Variants in GAS7 observed in about 807,000 individuals in gnomAD.
GAS7 encodes the protein growth arrest-specific protein 7.
Under a neutral mutation model 71.1 loss-of-function variants are expected in GAS7, and 28 were observed. The observed-to-expected ratio is 0.39, with a 90% confidence interval of 0.29 to 0.54. GAS7 has a LOEUF of 0.54. Among genes scored for constraint, GAS7 ranks in the 20% least tolerant of loss-of-function variants. GAS7 has a pLI of 0.62. For synonymous variants in GAS7, 258 were observed against 245.8 expected, an observed-to-expected ratio of 1.05 and a Z score of -0.46; for missense variants, 436 against 627.8, an observed-to-expected ratio of 0.69 and a Z score of 3.27.
intron 5 of GAS7, among the ~76,000 whole-genome samples, chr17:9,947,643 C>T (rs568477682): frequency 6.6e-6 from 1 of 151,930 alleles, no homozygotes; most frequent in East Asian, 1.9e-4. Context: ...AGTCGGGAGG[C>T]TGAGGGAGGA....
At chr17:10,016,221 T>G (rs2071990640) in intron 2 of GAS7, among the ~76,000 whole-genome samples, 1 of 151,328 alleles carries the variant, frequency 6.6e-6, no homozygotes, top group Non-Finnish European at 1.5e-5. Flanking sequence ...CCATCTCTAC[T>G]AAAAATACAA....
At chr17:9,968,695 TAATC>T (rs1310345058) in intron 4 of GAS7, among the ~76,000 whole-genome samples, 2 of 152,232 alleles carry the variant, frequency 1.3e-5, no homozygotes, top group Non-Finnish European at 2.9e-5. Flanking sequence ...GACAGAACCA[TAATC>T]AATCCTCCGG....
intron 2 of GAS7, among the ~76,000 whole-genome samples, chr17:10,007,181 A>G (rs958512655): frequency 2.2e-4 from 33 of 152,174 alleles, no homozygotes; most frequent in African/African-American, 7.7e-4. Flanking sequence ...TAAAGTTGAC[A>G]TTTTTTCTCT....
chr17:10,123,905 T>G (rs549610818), intron 1 of GAS7, among the ~76,000 whole-genome samples: 1 of 152,254 alleles, frequency 6.6e-6, no homozygotes, highest in African/African-American at 2.4e-5. Context: ...AGACACACAC[T>G]GTACCCAGTG....
At position 10,158,303 on chromosome 17, in the gene GAS7, G is replaced by A. The variant is rs9901394; in HGVS notation, c.183+39905C>T. Among the ~76,000 whole-genome samples the A allele has an allele frequency of 0.035, 4,743 of 134,598 alleles. 335 individuals carry two copies. The East Asian group carries it at 0.36, about 10-fold the overall frequency. The allele number at this position is 134,598 out of a possible 152,430, so 88.3% of individuals were successfully genotyped here. On this transcript the variant is annotated intron_variant, in intron 1 of 13. Transcript: ENST00000432992. ...GCTGGGATTACAGGCGTGAGCCACCGCACCCGGCCAATCCTGTTTTTTCTT... is the reference window on the plus strand; with the variant it reads ...GCTGGGATTACAGGCGTGAGCCACCACACCCGGCCAATCCTGTTTTTTCTT...
At chr17:10,027,545 C>G (rs2072496776) in intron 1 of GAS7, among the ~76,000 whole-genome samples, 1 of 152,232 alleles carries the variant, frequency 6.6e-6, no homozygotes, top group Non-Finnish European at 1.5e-5. Flanking sequence ...GATTGAGGCT[C>G]TTATCAAAGC....
intron 1 of GAS7, among the ~76,000 whole-genome samples, chr17:10,083,440 G>T (rs1479504998): frequency 6.6e-6 from 1 of 152,188 alleles, no homozygotes; most frequent in Non-Finnish European, 1.5e-5. Flanking sequence ...GATTTTTCTC[G>T]GTCCCTTTGC....
intron 1 of GAS7, among the ~76,000 whole-genome samples, chr17:10,095,605 AG>A (rs1453741086): frequency 6.6e-6 from 1 of 152,008 alleles, no homozygotes; most frequent in Non-Finnish European, 1.5e-5. Context: ...GCGGATCACA[AG>A]GTCAGGAGAT....
At chr17:10,000,738 G>A (rs775592494) in intron 2 of GAS7, among the ~76,000 whole-genome samples, 12 of 152,146 alleles carry the variant, frequency 7.9e-5, no homozygotes, top group Non-Finnish European at 1.5e-4. Flanking sequence ...AGGTGGGATC[G>A]CAGCATTCAA....
At chr17:10,054,859 G>C (rs1277369757) in intron 1 of GAS7, among the ~76,000 whole-genome samples, 3 of 152,158 alleles carry the variant, frequency 2.0e-5, no homozygotes, top group Non-Finnish European at 2.9e-5. Context: ...CTGAGCCTGG[G>C]CCTAACCTTC....
chr17:10,102,481 C>T (rs2073712750), intron 1 of GAS7, among the ~76,000 whole-genome samples: 1 of 152,096 alleles, frequency 6.6e-6, no homozygotes. Context: ...CAAGGTTGGG[C>T]AGCTAGAATG....
chr17:10,133,125 T>TATATATATAC (rs1567605056), intron 1 of GAS7, among the ~76,000 whole-genome samples: 1 of 130,424 alleles, frequency 7.7e-6, no homozygotes, highest in South Asian at 2.4e-4. Context: ...TTTTTATATT[T>TATATATATAC]TTTTTTTTTC....
In GAS7 at chr17:10,146,755, C is replaced by T. The variant is rs181223289; in HGVS notation, c.183+51453G>A. ...ATCCCAGCACTTTGGGAGGCCGAGG[C>T]GGGCGGATCACGAGGTCAAGAGATC... On this transcript the variant is annotated intron_variant, in intron 1 of 13. Coordinates refer to ENST00000432992, the MANE Select transcript of GAS7 (RefSeq NM_201433.2). 9.2e-5 allele frequency among the ~76,000 whole-genome samples: 14 copies of T among 152,204 alleles called. No homozygotes were observed. In the East Asian group the frequency reaches 2.1e-3, roughly 23 times the overall value.
intron 11 of GAS7, among the ~76,000 whole-genome samples, chr17:9,921,097 C>T (rs2067789149): frequency 6.6e-6 from 1 of 152,058 alleles, no homozygotes; most frequent in South Asian, 2.1e-4. Context: ...ACCCTTGATC[C>T]CAAGAGGCAC....
At chr17:10,007,154 G>A (rs2071568901) in intron 2 of GAS7, among the ~76,000 whole-genome samples, 1 of 152,132 alleles carries the variant, frequency 6.6e-6, no homozygotes, top group Non-Finnish European at 1.5e-5. Flanking sequence ...GTGACTGTTA[G>A]AAAACTTTGA....
At chr17:10,040,932 C>T (rs2072851455) in intron 1 of GAS7, among the ~76,000 whole-genome samples, 1 of 152,114 alleles carries the variant, frequency 6.6e-6, no homozygotes, top group Non-Finnish European at 1.5e-5. Flanking sequence ...GAGGCCGAGG[C>T]AGGTGGATGA....
At chr17:10,141,589 C>T (rs1044293782) in intron 1 of GAS7, among the ~76,000 whole-genome samples, 2 of 152,102 alleles carry the variant, frequency 1.3e-5, no homozygotes, top group African/African-American at 4.8e-5. Context: ...AGGGAGGAGA[C>T]GCAGTTTCCT....
intron 1 of GAS7, among the ~76,000 whole-genome samples, chr17:10,185,370 A>G (rs551055121): frequency 1.3e-5 from 2 of 152,254 alleles, no homozygotes; most frequent in African/African-American, 2.4e-5. Flanking sequence ...GCATTCAACT[A>G]TGATCACTAG....
At chr17:10,112,898 T>A (rs2073827742) in intron 1 of GAS7, among the ~76,000 whole-genome samples, 1 of 151,914 alleles carries the variant, frequency 6.6e-6, no homozygotes, top group Non-Finnish European at 1.5e-5. Flanking sequence ...AGTAGTGTCA[T>A]CACAAGTAGA....
Sources: gnomAD v4.1 joint callset for allele counts (sites outside exome capture counted in the v4.1 genomes callset) on GRCh38, gnomAD v4.1.1 for gene constraint, MANE v1.5 for transcripts, NCBI Gene and HGNC (gene_info 2026-07-23, HGNC 2026-07-21) for gene names.